CHRNB4: variants seen among roughly 807,000 people sequenced by gnomAD.
The protein encoded by CHRNB4 is cholinergic receptor nicotinic beta 4 subunit.
A neutral mutation model predicts 40.4 loss-of-function variants in CHRNB4; 23 were observed. The observed-to-expected ratio is 0.57, with a 90% CI of 0.41 to 0.81. The LOEUF is 0.81. CHRNB4 is among the 30% of genes least tolerant of loss of function. The pLI is 0.00. For missense variants in CHRNB4, 568 were observed against 670.6 expected, an observed-to-expected ratio of 0.85 and a Z score of 1.69; for synonymous variants, 285 against 274.4, an observed-to-expected ratio of 1.04 and a Z score of -0.38.
In CHRNB4 at chr15:78,641,086, G is replaced by T; in HGVS notation, c.48C>A (p.Cys16Ter). 1.3e-6 allele frequency: 2 copies of T among 1,579,408 alleles called. No homozygotes were observed. The highest frequency in any genetic ancestry group is 1.2e-5 in the South Asian group (1 of 86,344). Reference sequence around the variant, plus strand: ...TCCCCGAAAAGAACTCACCGCGCCCGCAAAGGGCGACCAGGAAGAAAAGGA... The same window carrying T: ...TCCCCGAAAAGAACTCACCGCGCCCTCAAAGGGCGACCAGGAAGAAAAGGA... Reference protein sequence around the residue: ...SLVLFFLVALCGRGNCRVANA... With the variant: ...SLVLFFLVAL Residue 16 changes from cysteine (C) to a stop codon, truncating the protein, a stop_gained, in exon 1 of 6, where the codon TGC becomes TGA. Transcript: ENST00000261751. LOFTEE classifies it high-confidence loss of function.
chr15:78,644,074 A>C (rs1402695811), upstream of CHRNB4, among the ~76,000 whole-genome samples: 3 of 151,418 alleles, frequency 2.0e-5, no homozygotes, highest in African/African-American at 7.3e-5. Flanking sequence ...GAGGCAGGAG[A>C]ATGGTGTGAA....
At chr15:78,657,617 G>A (rs1032863368) in intron 2 of CHRNB4, among the ~76,000 whole-genome samples, 6 of 151,760 alleles carry the variant, frequency 4.0e-5, no homozygotes, top group South Asian at 2.1e-4. Context: ...GCAGTGGCAC[G>A]ATCTCGGCTC....
chr15:78,648,967 CG>C (rs1310969751), intron 7 of CHRNB4, among the ~76,000 whole-genome samples: 1 of 151,882 alleles, frequency 6.6e-6, no homozygotes, highest in Non-Finnish European at 1.5e-5. Flanking sequence ...TTGTAGAGAC[CG>C]GGTCCCACTA....
chr15:78,647,861 C>CAAA (rs146991423), intron 7 of CHRNB4, among the ~76,000 whole-genome samples: 11,897 of 39,124 alleles, frequency 0.3, 2,428 homozygotes, highest in Non-Finnish European at 0.45. Flanking sequence ...GACTCCATCT[C>CAAA]AAAAAAAAAA....
upstream of CHRNB4, chr15:78,661,587 TG>T (rs2141415721): frequency 1.9e-6 from 1 of 517,968 alleles, no homozygotes; most frequent in East Asian, 5.0e-5. Context: ...TGGTCCTTGT[TG>T]GGGCGGATGT....
intron 1 of CHRNB4, among the ~76,000 whole-genome samples, chr15:78,638,841 G>T (rs1465391284): frequency 3.3e-5 from 5 of 152,222 alleles, no homozygotes; most frequent in Non-Finnish European, 7.3e-5. Context: ...GCCCAGGATG[G>T]GTGGAAGCTT....
At chr15:78,650,349 T>C (rs1199596827) in intron 6 of CHRNB4, among the ~76,000 whole-genome samples, 1 of 152,158 alleles carries the variant, frequency 6.6e-6, no homozygotes, top group Admixed American at 6.6e-5. Flanking sequence ...AACTTCCCCA[T>C]CTGTGGAGTG....
At chr15:78,639,534 G>A (rs979958456) in intron 1 of CHRNB4, among the ~76,000 whole-genome samples, 1 of 152,190 alleles carries the variant, frequency 6.6e-6, no homozygotes. Flanking sequence ...TCCTGACCTC[G>A]TGATCCGCCC....
chr15:78,629,510 T>C lies in CHRNB4; in HGVS notation c.795A>G (p.Thr265=). The change falls in exon 5 of 6, where the codon ACA becomes ACG. Residue 265 remains threonine, a synonymous_variant. Coordinates refer to ENST00000261751, the MANE Select transcript of CHRNB4 (RefSeq NM_000750.5). This position sits in a 1 kb window ranked among gnomAD's most constrained non-coding sequence, Gnocchi z 6.8. ...YLPSDCGEKM[T]LCISVLLALT... ...GTGCCAGCAGCACTGAGATGCACAG[T>C]GTCATCTTCTCGCCGCAGTCGGATG... 5.0e-6 allele frequency: 8 copies of C among 1,614,042 alleles called. No individual in the cohort carries two copies. The highest frequency in any genetic ancestry group is 6.8e-6 in the Non-Finnish European group (8 of 1,179,988).
At chr15:78,651,814 G>A (rs1227247587) in intron 6 of CHRNB4, among the ~76,000 whole-genome samples, 1 of 152,160 alleles carries the variant, frequency 6.6e-6, no homozygotes, top group African/African-American at 2.4e-5. Flanking sequence ...CCTTTCTTTA[G>A]CAGCTCCAGA....
chr15:78,636,718 G>T (rs1053942583), intron 1 of CHRNB4, among the ~76,000 whole-genome samples: 4 of 151,840 alleles, frequency 2.6e-5, no homozygotes, highest in African/African-American at 9.7e-5. Flanking sequence ...TTAGTAGCTG[G>T]GACTACAGGT....
At chr15:78,660,852 G>A (rs1466501544), upstream of CHRNB4, 1 of 334,658 alleles carries the variant, frequency 3.0e-6, no homozygotes, top group African/African-American at 2.1e-5. Flanking sequence ...CGGTTGCTGT[G>A]AGCTCCATCC....
intron 1 of CHRNB4, among the ~76,000 whole-genome samples, chr15:78,638,592 C>A (rs1014051742): frequency 2.0e-5 from 3 of 151,216 alleles, no homozygotes; most frequent in Non-Finnish European, 1.5e-5. Context: ...CATGACTGCG[C>A]CTGTGTTTGT....
At chr15:78,644,135 C>G (rs1489304343), upstream of CHRNB4, among the ~76,000 whole-genome samples, 2 of 151,560 alleles carry the variant, frequency 1.3e-5, no homozygotes. Context: ...TGCACTCCAG[C>G]CTGGGTGACA....
At chr15:78,656,506 A>C (rs2141412262) in exon 4 of CHRNB4, 1 of 152,262 alleles carries the variant, frequency 6.6e-6, no homozygotes, top group Non-Finnish European at 1.5e-5. Flanking sequence ...AAATTTGTGC[A>C]AGTAAGTAAA....
intron 7 of CHRNB4, chr15:78,649,298 T>C: frequency 5.3e-6 from 2 of 376,480 alleles, no homozygotes; most frequent in South Asian, 2.0e-5. Flanking sequence ...ATGCTCATAG[T>C]CACCCTTGTG....
rs1274787860 is a variant in CHRNB4 at position 78,625,025 on chromosome 15, C to T, written c.*108G>A. The stretch of plus-strand genomic sequence containing the variant: ...GTGGCTGGTTTGATGGGGTTGATGG[C>T]CAATGCTCACATATTTACTTAGGGC... On this transcript the variant is annotated 3_prime_UTR_variant, in exon 6 of 6. Transcript: ENST00000261751. The T allele has an allele frequency of 6.2e-7, 1 of 1,601,280 alleles. No individual in the cohort carries two copies. Among genetic ancestry groups the T allele is most frequent in the Non-Finnish European group, 8.5e-7 (1 of 1,179,560 alleles).
intron 1 of CHRNB4, among the ~76,000 whole-genome samples, chr15:78,636,449 C>T (rs1426454541): frequency 1.5e-4 from 23 of 152,080 alleles, no homozygotes; most frequent in East Asian, 1.9e-4. Flanking sequence ...TTTGGCTTGG[C>T]GTTCAAGGCC....
In CHRNB4 at chr15:78,629,825, A is replaced by C. The variant is rs763490972; in HGVS notation, c.480T>G (p.Phe160Leu). 2 of 1,614,048 alleles carry C rather than the reference A, an allele frequency of 1.2e-6. No individual in the cohort carries two copies. Among genetic ancestry groups the C allele is most frequent in the Non-Finnish European group, 1.7e-6 (2 of 1,180,002 alleles). Reference protein sequence around the residue: ...KSACKIEVKYFPFDQQNCTLK... With the variant: ...KSACKIEVKYLPFDQQNCTLK... ...GGGTGCAGTTCTGCTGGTCGAAGGGAAAGTACTTCACCTCAATCTTGCAGG... is the reference window on the plus strand; with the variant it reads ...GGGTGCAGTTCTGCTGGTCGAAGGGCAAGTACTTCACCTCAATCTTGCAGG... Residue 160 changes from phenylalanine to leucine, a missense_variant, in exon 5 of 6, where the codon TTT (phenylalanine) becomes TTG (leucine). Coordinates refer to ENST00000261751, the MANE Select transcript of CHRNB4 (RefSeq NM_000750.5). This position sits in a 1 kb window ranked among gnomAD's most constrained non-coding sequence, Gnocchi z 6.8.
Sources: gnomAD v4.1 joint callset for allele counts (sites outside exome capture counted in the v4.1 genomes callset) on GRCh38, gnomAD v4.1.1 for gene constraint, Gnocchi (gnomAD v3.1) non-coding constraint, MANE v1.5 for transcripts, NCBI Gene and HGNC (gene_info 2026-07-23, HGNC 2026-07-21) for gene names.